The following WDFY4 variants were observed in gnomAD, a reference collection of about 807,000 sequenced individuals.
WDFY4 encodes WD repeat- and FYVE domain-containing protein 4.
WDFY4 carries 169 observed loss-of-function variants against 351.9 expected under a neutral mutation model. The ratio of observed to expected loss-of-function variants is 0.48; its 90% CI spans 0.42 to 0.55. WDFY4 has a LOEUF of 0.55. Ranked by LOEUF, WDFY4 falls within the 20% of genes least tolerant of loss-of-function variation. WDFY4 has a pLI of 0.00. For missense variants in WDFY4, 3,803 were observed against 3,935.6 expected, an observed-to-expected ratio of 0.97 and a Z score of 0.90; for synonymous variants, 1,622 against 1,574.6, an observed-to-expected ratio of 1.03 and a Z score of -0.71.
chr10:48,803,322 C>T lies in WDFY4; in HGVS notation c.4447C>T (p.Leu1483Phe). Residue 1483 changes from leucine to phenylalanine, a missense_variant, in exon 25 of 62, where the codon CTC (leucine) becomes TTC (phenylalanine). Around this residue, in one of 3 missense-constraint regions of WDFY4, gnomAD observed 3,054 missense variants for 3,148.6 expected, o/e 0.97. Coordinates refer to ENST00000325239, the MANE Select transcript of WDFY4 (RefSeq NM_001394531.1). ...TACTGCAGACAATCTGGAGCTCAGC[C>T]TCTTTTCCCATCTTTTGGAAATCCT... ...MNTADNLELS[L>F]FSHLLEILQS... The T allele has an allele frequency of 1.3e-6, 2 of 1,551,924 alleles. No homozygotes were observed. The highest frequency in any genetic ancestry group is 1.7e-6 in the Non-Finnish European group (2 of 1,146,990).
In WDFY4 at chr10:48,897,467, T is replaced by C. The variant is rs1228599143; in HGVS notation, c.7330T>C (p.Phe2444Leu). Residue 2444 changes from phenylalanine to leucine, a missense_variant, in exon 45 of 62, where the codon TTC becomes CTC. By Grantham distance (22) the Phe-to-Leu change is conservative. Around this residue, in one of 3 missense-constraint regions of WDFY4, gnomAD observed 3,054 missense variants for 3,148.6 expected, o/e 0.97. Transcript: ENST00000325239. Reference protein sequence around the residue: ...RHCLSNISDPFIFNLCSKDRS... With the variant: ...RHCLSNISDPLIFNLCSKDRS... ...TTTCCTTTTCAGCATCAGCGATCCG[T>C]TCATTTTCAACCTGTGCAGCAAAGA... 4 of 1,551,432 alleles carry C rather than the reference T, an allele frequency of 2.6e-6. No individual in the cohort carries two copies. The Admixed American group carries it at 5.9e-5, about 23-fold the overall frequency.
At position 48,826,704 on chromosome 10, in the gene WDFY4, G is replaced by T; in HGVS notation, c.6016G>T (p.Val2006Phe). ...IETASSQRDT[V>F]LSTLYSSLNK... ...GACTGCCTCTTCTCAAAGGGACACT[G>T]TCCTCAGCACTTTATACAGCAGTTT... Residue 2006 changes from valine to phenylalanine, a missense_variant, in exon 36 of 62, where the codon GTC becomes TTC. Physicochemically the swap from Val to Phe is conservative, Grantham distance 50. Transcript: ENST00000325239. 1 of 1,551,650 alleles carries T rather than the reference G, an allele frequency of 6.4e-7. No homozygotes were observed. The highest frequency in any genetic ancestry group is 1.7e-4 in the Middle Eastern group (1 of 5,994).
At chr10:48,819,232 C>T (rs2067728067) in intron 32 of WDFY4, among the ~76,000 whole-genome samples, 1 of 152,206 alleles carries the variant, frequency 6.6e-6, no homozygotes, top group Non-Finnish European at 1.5e-5. Flanking sequence ...GGTGTACCTC[C>T]CAGCCATCCT....
At chr10:48,891,161 T>C (rs1261788678) in intron 44 of WDFY4, among the ~76,000 whole-genome samples, 1 of 152,186 alleles carries the variant, frequency 6.6e-6, no homozygotes, top group Non-Finnish European at 1.5e-5. Context: ...CACACTATGG[T>C]CGTGGGACAA....
In WDFY4 at chr10:48,966,505, G is replaced by A. The variant is rs537164435; in HGVS notation, c.8437-21G>A. 32 of 1,550,260 alleles carry A rather than the reference G, an allele frequency of 2.1e-5. No homozygotes were observed. In the East Asian group the frequency reaches 7.3e-4, roughly 36 times the overall value. On this transcript the variant is annotated intron_variant, in intron 54 of 61. Coordinates refer to ENST00000325239, the MANE Select transcript of WDFY4 (RefSeq NM_001394531.1). ...TCTGGGCATCTCTCCCCTCATGTGT[G>A]TCTGTTCCCTGTCTCTCTAGCTCTT...
At chr10:48,699,409 C>T (rs1362107922) in intron 1 of WDFY4, among the ~76,000 whole-genome samples, 1 of 152,180 alleles carries the variant, frequency 6.6e-6, no homozygotes, top group Non-Finnish European at 1.5e-5. Flanking sequence ...CACCAGAGCT[C>T]CTGCTGTCAG....
chr10:48,709,626 G>A, intron 1 of WDFY4, 90 bp from the exon 2 acceptor site: 1 of 1,109,094 alleles, frequency 9.0e-7, no homozygotes, highest in South Asian at 1.5e-5. Flanking sequence ...AATAGAAACT[G>A]GGCTGAGTGA....
intron 33 of WDFY4, 44 bp from the exon 34 acceptor site, chr10:48,821,018 G>T: frequency 1.4e-6 from 2 of 1,423,712 alleles, no homozygotes; most frequent in Non-Finnish European, 9.7e-7. Flanking sequence ...GGGTGCACAC[G>T]ATGGCCCTGT....
At chr10:48,857,616 T>C (rs1371704567) in intron 39 of WDFY4, among the ~76,000 whole-genome samples, 2 of 152,204 alleles carry the variant, frequency 1.3e-5, no homozygotes, top group Non-Finnish European at 2.9e-5. Flanking sequence ...AATATATAAA[T>C]ATAAGTTATT....
At chr10:48,852,522 T>C (rs1350971839) in intron 39 of WDFY4, among the ~76,000 whole-genome samples, 1 of 152,236 alleles carries the variant, frequency 6.6e-6, no homozygotes, top group Non-Finnish European at 1.5e-5. Flanking sequence ...AATCCACTGA[T>C]GTGCTCTGGG....
intron 16 of WDFY4, among the ~76,000 whole-genome samples, chr10:48,777,218 C>T (rs1459544683): frequency 2.6e-5 from 4 of 152,200 alleles, no homozygotes; most frequent in African/African-American, 9.6e-5. Context: ...GAACACCCTC[C>T]CATCCTGCCT....
chr10:48,718,711 G>A (rs772830668), intron 2 of WDFY4, among the ~76,000 whole-genome samples: 2 of 152,200 alleles, frequency 1.3e-5, no homozygotes, highest in South Asian at 2.1e-4. Context: ...CTCATCGCAC[G>A]ACTAGGAAAC....
chr10:48,705,418 C>T (rs766787962), intron 1 of WDFY4, among the ~76,000 whole-genome samples: 11 of 152,174 alleles, frequency 7.2e-5, no homozygotes, highest in Non-Finnish European at 1.6e-4. Flanking sequence ...CCCTAAGCCC[C>T]GATGGGTCCC....
rs760559237 is a variant in WDFY4, at chr10:48,778,716, C to T, written c.3281C>T (p.Thr1094Met). Residue 1094 changes from threonine to methionine, a missense_variant, in exon 18 of 62, where the codon ACG becomes ATG. Coordinates refer to ENST00000325239, the MANE Select transcript of WDFY4 (RefSeq NM_001394531.1). ...ATEGHPLRFL[T>M]LVRHLARTEQ... ...GAGGGCCACCCGCTGCGCTTCCTGA[C>T]GTTGGTGCGCCACCTGGCCAGGACT... 10 of 1,551,584 alleles carry T rather than the reference C, an allele frequency of 6.4e-6. No homozygotes were observed. Among genetic ancestry groups the T allele is most frequent in the South Asian group, 3.6e-5 (3 of 84,068 alleles).
In WDFY4 at chr10:48,913,293, C is replaced by T; in HGVS notation, c.7586+11430C>T. 1.5e-5 allele frequency: 17 copies of T among 1,140,582 alleles called. 1 individual carries two copies. In the South Asian group the frequency reaches 2.5e-4, roughly 17 times the overall value. 70.7% of individuals were successfully genotyped at this position (1,140,582 alleles called of 1,614,324 possible). ...ATGGGCTTGGCTGAAAGAGCTGCTG[C>T]AGCCACAGGGGAGCCCTTGGTTTCC... is the stretch of plus-strand genomic sequence containing the variant. On this transcript the variant is annotated intron_variant, in intron 47 of 61. Transcript: ENST00000325239.
chr10:48,960,960 T>C (rs1031993138), intron 53 of WDFY4, among the ~76,000 whole-genome samples: 6 of 152,240 alleles, frequency 3.9e-5, no homozygotes, highest in Non-Finnish European at 8.8e-5. Context: ...ACGGGGGGAC[T>C]TTTTGAGCCG....
At chr10:48,835,885 G>A (rs1484847327) in intron 39 of WDFY4, among the ~76,000 whole-genome samples, 1 of 152,200 alleles carries the variant, frequency 6.6e-6, no homozygotes, top group African/African-American at 2.4e-5. Flanking sequence ...CTGCATCTTT[G>A]CTTAGCAACA....
chr10:48,972,187 C>T (rs1842366879), intron 57 of WDFY4, among the ~76,000 whole-genome samples: 1 of 152,196 alleles, frequency 6.6e-6, no homozygotes, highest in South Asian at 2.1e-4. Context: ...CTAATGTAGG[C>T]TTGCAGATTC....
At position 48,832,255 on chromosome 10, in the gene WDFY4, A is replaced by T. The variant is rs540291538; in HGVS notation, c.6527-318A>T. ...TCATGACCCCTCAACTGGTTTAGAT[A>T]TTGTTATCCCCATTTCACAGGATGA... On this transcript the variant is annotated intron_variant, in intron 38 of 61. Transcript: ENST00000325239. Among the ~76,000 whole-genome samples, 8 of 152,352 alleles carry T rather than the reference A, an allele frequency of 5.3e-5. No individual in the cohort carries two copies. In the East Asian group the frequency reaches 1.5e-3, roughly 29 times the overall value.
Sources: gnomAD v4.1 joint callset for allele counts (sites outside exome capture counted in the v4.1 genomes callset) on GRCh38, gnomAD v4.1.1 for gene constraint, gnomAD v4.1.1 regional missense constraint, MANE v1.5 for transcripts, NCBI Gene and HGNC (gene_info 2026-07-23, HGNC 2026-07-21) for gene names.